The following KATNIP variants were observed in gnomAD, a reference collection of about 807,000 sequenced individuals.
KATNIP encodes katanin interacting protein, also known as katanin-interacting protein.
A neutral mutation model predicts 174.0 loss-of-function variants in KATNIP; 126 were observed. The ratio of observed to expected loss-of-function variants is 0.72; its 90% CI spans 0.63 to 0.84. The LOEUF (loss-of-function observed/expected upper bound fraction) is 0.84, where lower values mean the gene tolerates loss of function less well. Among genes scored for constraint, KATNIP ranks in the 40% least tolerant of loss-of-function variants. KATNIP has a pLI of 0.00. For synonymous variants in KATNIP, 810 were observed against 835.7 expected, an observed-to-expected ratio of 0.97 and a Z score of 0.53; for missense variants, 1,958 against 2,109.7, an observed-to-expected ratio of 0.93 and a Z score of 1.41.
At chr16:27,743,675 A>G (rs1051670831) in intron 15 of KATNIP, among the ~76,000 whole-genome samples, 4 of 152,164 alleles carry the variant, frequency 2.6e-5, no homozygotes, top group African/African-American at 9.7e-5. Flanking sequence ...TTACCCAAAT[A>G]ACCTCCCAAC....
At chr16:27,640,108 T>C (rs528792208) in intron 5 of KATNIP, among the ~76,000 whole-genome samples, 1 of 152,210 alleles carries the variant, frequency 6.6e-6, no homozygotes, top group Non-Finnish European at 1.5e-5. Flanking sequence ...ACTCTAGGCA[T>C]GAACTGGGCT....
rs184083711 is a variant in KATNIP at position 27,754,163 on chromosome 16, C to G, written c.3553-10C>G. 5.6e-6 allele frequency: 9 copies of G among 1,613,194 alleles called. No individual in the cohort carries two copies. Among genetic ancestry groups the G allele is most frequent in the Non-Finnish European group, 7.6e-6 (9 of 1,179,186 alleles). ...CCCCCTTTTCCTCTGCTTCTCCAAC[C>G]CATGTGCAGATCCCGGAGCTAGAGC... On this transcript the variant is annotated splice_polypyrimidine_tract_variant and intron_variant, in intron 17 of 27. Coordinates refer to ENST00000261588, the MANE Select transcript of KATNIP (RefSeq NM_015202.5).
intron 8 of KATNIP, chr16:27,685,378 G>A (rs181358300): frequency 3.3e-5 from 5 of 152,220 alleles, no homozygotes; most frequent in African/African-American, 2.4e-5. Context: ...GCAACAGATC[G>A]AGACTCTGTC....
chr16:27,646,103 G>A (rs920516795), intron 5 of KATNIP, among the ~76,000 whole-genome samples: 1 of 152,198 alleles, frequency 6.6e-6, no homozygotes, highest in Non-Finnish European at 1.5e-5. Flanking sequence ...AGGGTACAAG[G>A]GAGGGCCAAG....
chr16:27,751,555 A>C (rs966233664), intron 16 of KATNIP, among the ~76,000 whole-genome samples, 164 bp from the exon 17 acceptor site: 1 of 152,216 alleles, frequency 6.6e-6, no homozygotes, highest in African/African-American at 2.4e-5. Context: ...TGGTCCGTGC[A>C]TTCCATTTGC....
intron 13 of KATNIP, 104 bp downstream of exon 13, chr16:27,709,024 A>G: frequency 1.1e-6 from 1 of 932,486 alleles, no homozygotes; most frequent in Non-Finnish European, 1.6e-6. Flanking sequence ...GGAGGGGAAG[A>G]ACAACAAAAT....
rs747096260 is a variant in KATNIP, at chr16:27,777,908, G to A, written c.4740G>A (p.Gln1580=). Residue 1580 remains glutamine, a synonymous_variant, in exon 27 of 28, where the codon CAG becomes CAA. Transcript: ENST00000261588. The surrounding 1 kb of genome is among the most constrained non-coding windows in gnomAD (Gnocchi z 4.4). ...ATCAGGCCGAGGATCAAGATGTCCA[G>A]ATGATGAATGAAAACCAAATCATTA... ...ISNQAEDQDV[Q]MMNENQIITN... 18 of 1,614,114 alleles carry A rather than the reference G, an allele frequency of 1.1e-5. No homozygotes were observed. The highest frequency in any genetic ancestry group is 1.4e-5 in the Non-Finnish European group (16 of 1,180,040).
At position 27,755,954 on chromosome 16, in the gene KATNIP, G is replaced by T. The variant is rs76704797; in HGVS notation, c.3631+1703G>T. On this transcript the variant is annotated intron_variant, in intron 18 of 27. Transcript: ENST00000261588. ...AGCCGGACATGGCTTTTTGCAAGGA[G>T]ACTCTCTTCAGCCAAGGGCAGTCAC... Among the ~76,000 whole-genome samples the T allele has an allele frequency of 2.1e-3, 319 of 152,298 alleles. 12 individuals carry two copies. In the East Asian group the frequency reaches 0.053, roughly 25 times the overall value.
intron 1 of KATNIP, among the ~76,000 whole-genome samples, chr16:27,566,194 T>C (rs901451092): frequency 6.6e-6 from 1 of 152,084 alleles, no homozygotes; most frequent in African/African-American, 2.4e-5. Flanking sequence ...TTTACCTCAC[T>C]CCAACACATG....
At chr16:27,590,103 T>C (rs916281471) in intron 2 of KATNIP, among the ~76,000 whole-genome samples, 4 of 152,240 alleles carry the variant, frequency 2.6e-5, no homozygotes, top group South Asian at 4.1e-4. Flanking sequence ...TGTAATAGGC[T>C]GTTCTTGTTT....
intron 5 of KATNIP, among the ~76,000 whole-genome samples, chr16:27,643,667 A>G (rs1464867540): frequency 1.3e-5 from 2 of 150,864 alleles, no homozygotes; most frequent in African/African-American, 4.9e-5. Context: ...ACCCAGTGAC[A>G]TGGCACGTAG....
At chr16:27,572,399 A>ACACACACACACACACACACAC (rs1555510773) in intron 1 of KATNIP, among the ~76,000 whole-genome samples, 1 of 151,012 alleles carries the variant, frequency 6.6e-6, no homozygotes, top group African/African-American at 2.4e-5. Context: ...ACACACACAC[A>ACACACACACACACACACACAC]ATGAAGACAA....
intron 7 of KATNIP, chr16:27,681,075 C>T: frequency 6.5e-6 from 2 of 306,294 alleles, no homozygotes. Flanking sequence ...CAAGCAGTTC[C>T]CCCACCACAG....
chr16:27,771,484 G>A (rs762415252), intron 21 of KATNIP, 104 bp from the exon 22 acceptor site: 9 of 1,098,750 alleles, frequency 8.2e-6, no homozygotes, highest in East Asian at 2.5e-5. Flanking sequence ...CCTAGGGAAC[G>A]CTAAACTGCC....
chr16:27,644,071 G>A (rs2076886851), intron 5 of KATNIP, among the ~76,000 whole-genome samples: 1 of 146,248 alleles, frequency 6.8e-6, no homozygotes, highest in South Asian at 2.2e-4. Context: ...GCCCAGGCTG[G>A]AGTGCAGAGG....
chr16:27,735,380 C>G (rs149571532), intron 14 of KATNIP, among the ~76,000 whole-genome samples: 10 of 152,324 alleles, frequency 6.6e-5, no homozygotes, highest in Non-Finnish European at 1.2e-4. Flanking sequence ...CACCTTGTGA[C>G]TGTGCTGGAC....
intron 6 of KATNIP, among the ~76,000 whole-genome samples, chr16:27,670,313 A>G (rs1465806016): frequency 6.6e-6 from 1 of 152,154 alleles, no homozygotes; most frequent in African/African-American, 2.4e-5. Flanking sequence ...ATTCTGGTCC[A>G]TCTCCCTAAT....
chr16:27,614,080 AT>A (rs796523527), intron 2 of KATNIP, among the ~76,000 whole-genome samples: 132 of 141,870 alleles, frequency 9.3e-4, no homozygotes, highest in Middle Eastern at 7.1e-3. Flanking sequence ...CACACCAGCT[AT>A]TTTTTTTTTT....
chr16:27,612,795 T>A (rs967561893), intron 2 of KATNIP, among the ~76,000 whole-genome samples: 1 of 151,760 alleles, frequency 6.6e-6, no homozygotes, highest in Non-Finnish European at 1.5e-5. Flanking sequence ...CTTGGGCACT[T>A]GCCAGTCCTA....
Sources: allele counts gnomAD v4.1 joint callset (sites outside exome capture counted in the v4.1 genomes callset), GRCh38; gene constraint gnomAD v4.1.1; non-coding constraint Gnocchi (gnomAD v3.1); transcripts MANE v1.5; gene names NCBI Gene and HGNC (gene_info 2026-07-23, HGNC 2026-07-21).